The following LAMB1 variants were observed in gnomAD, a reference collection of about 807,000 sequenced individuals.
LAMB1 encodes laminin subunit beta 1, also known as laminin subunit beta-1.
A neutral mutation model predicts 222.3 loss-of-function variants in LAMB1; 121 were observed. The ratio of observed to expected loss-of-function variants is 0.54; its 90% CI spans 0.47 to 0.63. LAMB1 has a LOEUF of 0.63. Ranked by LOEUF, LAMB1 falls within the 30% of genes least tolerant of loss-of-function variation. The probability of loss-of-function intolerance (pLI) is 0.00; values close to 1 mark genes in which losing one functional copy is unlikely to be tolerated. For synonymous variants in LAMB1, 794 were observed against 807.2 expected (o/e 0.98, Z 0.28); for missense variants, 2,172 against 2,240.8 (o/e 0.97, Z 0.62).
chr7:108,002,991 G>A lies in LAMB1; in HGVS notation c.-86-20C>T, dbSNP rs878982596. 5.1e-6 allele frequency: 8 copies of A among 1,565,676 alleles called. No individual in the cohort carries two copies. In the South Asian group the frequency reaches 5.9e-5, roughly 12 times the overall value. ...TCCTTTCTGGAGAGGTGGAAAGGAG[G>A]GGAAAAAAGGCAAATGTTCAAAGAG... On this transcript the variant is annotated intron_variant, in intron 1 of 33. Coordinates refer to ENST00000222399, the MANE Select transcript of LAMB1 (RefSeq NM_002291.3).
At chr7:107,955,742 G>T in intron 20 of LAMB1, 112 bp from the exon 21 acceptor site, 2 of 956,482 alleles carry the variant, frequency 2.1e-6, no homozygotes, top group Non-Finnish European at 2.9e-6. Flanking sequence ...CACTCCTCAT[G>T]TTTTCTTTGA....
rs146785096 is a variant in LAMB1 at position 107,974,857 on chromosome 7, T to C, written c.1482+129A>G. ...CCATTAGTAATTCCTATTGTGTGCA[T>C]TGTCTACTCATGTCTTTTAACACGT... On this transcript the variant is annotated intron_variant, in intron 12 of 33. Coordinates refer to ENST00000222399, the MANE Select transcript of LAMB1 (RefSeq NM_002291.3). 702 of 615,964 alleles carry C rather than the reference T, an allele frequency of 1.1e-3. 6 individuals are homozygous for C. In the African/African-American group the frequency reaches 0.012, roughly 10 times the overall value. The allele number at this position is 615,964 out of a possible 1,614,324, so 38.2% of individuals were successfully genotyped here.
At position 107,953,689 on chromosome 7, in the gene LAMB1, G is replaced by C. The variant is rs61753441; in HGVS notation, c.2920C>G (p.Gln974Glu). ...ATGTTGTTGTGACACTGGCAAGGCT[G>C]ACACGACCCCCCAACTTCTGATGGA... ...GNPSEVGGSC[Q>E]PCQCHNNIDT... The change falls in exon 22 of 34, where the codon CAG becomes GAG. Residue 974 changes from glutamine (Q) to glutamate (E), a missense_variant. Physicochemically the swap from Gln to Glu is conservative, Grantham distance 29. Transcript: ENST00000222399. 9.6e-4 allele frequency: 1,544 copies of C among 1,614,174 alleles called. 15 individuals are homozygous for C. The African/African-American group carries it at 0.018, about 18-fold the overall frequency.
chr7:107,953,276 G>C (rs2033298756), intron 22 of LAMB1, among the ~76,000 whole-genome samples: 2 of 151,614 alleles, frequency 1.3e-5, no homozygotes, highest in African/African-American at 4.8e-5. Flanking sequence ...AGAATCACTT[G>C]AACTCTGGAG....
intron 4 of LAMB1, 86 bp downstream of exon 4, chr7:107,998,271 A>G: frequency 7.4e-7 from 1 of 1,360,514 alleles, no homozygotes; most frequent in Admixed American, 1.9e-5. Flanking sequence ...GAAGTGAATC[A>G]TAATTACAAA....
rs757651984 is a variant in LAMB1, at chr7:107,986,004, G to C, written c.676+18C>G. The C allele has an allele frequency of 6.4e-7, 1 of 1,573,154 alleles. No individual in the cohort carries two copies. The highest frequency in any genetic ancestry group is 1.7e-5 in the Admixed American group (1 of 59,160). On this transcript the variant is annotated intron_variant, in intron 7 of 33. Transcript: ENST00000222399. ...AAACAAACTAACAAAAAACACTTTT[G>C]TTTGAAAATGAACTTACTCTGTATC...
chr7:107,998,206 G>A (rs2034316297), intron 4 of LAMB1, 151 bp downstream of exon 4: 2 of 684,842 alleles, frequency 2.9e-6, no homozygotes, highest in Non-Finnish European at 4.9e-6. Flanking sequence ...ATTTTACCAA[G>A]AGAAGTTAGT....
chr7:107,939,643 A>G (rs887027737), intron 25 of LAMB1, among the ~76,000 whole-genome samples: 1 of 152,226 alleles, frequency 6.6e-6, no homozygotes, highest in Non-Finnish European at 1.5e-5. Context: ...CAAGTTCACA[A>G]GCCTAGCATC....
rs759586137 is a variant in LAMB1, at chr7:107,986,295, T to G, written c.492A>C (p.Arg164Ser). Reference sequence around the variant, plus strand: ...AGGCCTCACAGTCATAGGCGAAGTATCTATACACACCCCAGGTTTTCCCAA... The same window carrying G: ...AGGCCTCACAGTCATAGGCGAAGTAGCTATACACACCCCAGGTTTTCCCAA... ...SDFGKTWGVY[R>S]YFAYDCEASF... The change falls in exon 6 of 34, where the codon AGA becomes AGC. Residue 164 changes from arginine to serine, a missense_variant. Arg to Ser is a moderately radical substitution (Grantham distance 110, BLOSUM62 -1). Coordinates refer to ENST00000222399, the MANE Select transcript of LAMB1 (RefSeq NM_002291.3). 3 of 1,614,054 alleles carry G rather than the reference T, an allele frequency of 1.9e-6. No homozygotes were observed. Among genetic ancestry groups the G allele is most frequent in the Non-Finnish European group, 2.5e-6 (3 of 1,179,950 alleles).
In LAMB1 at chr7:107,951,326, C is replaced by T. The variant is rs781292114; in HGVS notation, c.3295-4G>A. The T allele has an allele frequency of 8.2e-5, 133 of 1,613,550 alleles. No homozygotes were observed. The highest frequency in any genetic ancestry group is 4.9e-4 in the East Asian group (22 of 44,878). On this transcript the variant is annotated splice_polypyrimidine_tract_variant and splice_region_variant and intron_variant, in intron 23 of 33. Coordinates refer to ENST00000222399, the MANE Select transcript of LAMB1 (RefSeq NM_002291.3). ...TGCACTGGCACTGCCCCGTGAACTG[C>T]GGCCAGAACACAGACCTTGGTCAAG...
intron 22 of LAMB1, 78 bp from the exon 23 acceptor site, chr7:107,952,301 C>A: frequency 9.5e-7 from 1 of 1,050,540 alleles, no homozygotes; most frequent in South Asian, 1.6e-5. Context: ...CATCTAAATG[C>A]TAAGATGTTC....
At chr7:107,926,985 C>T (rs1228530889) in intron 31 of LAMB1, among the ~76,000 whole-genome samples, 3 of 152,126 alleles carry the variant, frequency 2.0e-5, no homozygotes, top group African/African-American at 7.2e-5. Flanking sequence ...AAAGTAGAAT[C>T]AATAAACATT....
chr7:107,978,255 T>C lies in LAMB1; in HGVS notation c.880-88A>G, dbSNP rs946456196. ...ATAATCAATTGAAAGTTTAAAACCC[T>C]TTTTCATACTAATCTCTAGCTCACC... On this transcript the variant is annotated intron_variant, in intron 8 of 33. Coordinates refer to ENST00000222399, the MANE Select transcript of LAMB1 (RefSeq NM_002291.3). 119 of 1,391,554 alleles carry C rather than the reference T, an allele frequency of 8.6e-5. 1 individual carries two copies. In the African/African-American group the frequency reaches 1.1e-3, roughly 13 times the overall value. The allele number at this position is 1,391,554 out of a possible 1,614,324, so 86.2% of individuals were successfully genotyped here.
chr7:107,944,698 T>C (rs893743537), intron 24 of LAMB1, among the ~76,000 whole-genome samples: 6 of 145,838 alleles, frequency 4.1e-5, no homozygotes, highest in African/African-American at 1.2e-4. Context: ...TACAACCTTG[T>C]AAAAAGACCC....
chr7:107,973,182 C>T (rs1278919366), intron 12 of LAMB1, 111 bp from the exon 13 acceptor site: 13 of 875,928 alleles, frequency 1.5e-5, no homozygotes, highest in Non-Finnish European at 2.3e-5. Flanking sequence ...TGCTCATTTT[C>T]ATCATTAAAG....
In LAMB1 at chr7:107,986,035, G is replaced by A. The variant is rs2034070222; in HGVS notation, c.663C>T (p.Ser221=). Reference sequence around the variant, plus strand: ...AAATGAACTTACTCTGTATCCTTGGGCTATAAGGATCTTCTATTTTGAAAG... The same window carrying A: ...AAATGAACTTACTCTGTATCCTTGGACTATAAGGATCTTCTATTTTGAAAG... ...DPAFKIEDPY[S]PRIQNLLKIT... The change falls in exon 7 of 34, where the codon AGC becomes AGT. Residue 221 remains serine, a synonymous_variant. Transcript: ENST00000222399. 1 of 1,605,470 alleles carries A rather than the reference G, an allele frequency of 6.2e-7. No homozygotes were observed. Among genetic ancestry groups the A allele is most frequent in the African/African-American group, 1.3e-5 (1 of 74,770 alleles).
chr7:107,931,262 C>A, intron 29 of LAMB1, 94 bp downstream of exon 29: 10 of 1,090,338 alleles, frequency 9.2e-6, no homozygotes, highest in Non-Finnish European at 1.1e-5. Flanking sequence ...GGAAATGTCA[C>A]TTAGTACCCT....
Position 107,935,148 on chromosome 7 carries a change from G to A in LAMB1, c.4188+267C>T, listed in dbSNP as rs12112618. Among the ~76,000 whole-genome samples the A allele has an allele frequency of 0.059, 8,885 of 151,870 alleles. 813 individuals are homozygous for A. Among genetic ancestry groups the A allele is most frequent in the African/African-American group, 0.2 (8,388 of 41,348 alleles). ...GTAGCTAAAACAGTATGGGAGAATA[G>A]TCATGATTCATTCTTTAGTTGAGGA... On this transcript the variant is annotated intron_variant, in intron 27 of 33. Transcript: ENST00000222399.
Position 107,962,965 on chromosome 7 carries a change from A to T in LAMB1, c.1797T>A (p.Phe599Leu). 1.9e-6 allele frequency: 3 copies of T among 1,614,110 alleles called. No homozygotes were observed. The highest frequency in any genetic ancestry group is 2.5e-6 in the Non-Finnish European group (3 of 1,179,992). The change falls in exon 15 of 34, where the codon TTT becomes TTA. Residue 599 changes from phenylalanine to leucine, a missense_variant. Coordinates refer to ENST00000222399, the MANE Select transcript of LAMB1 (RefSeq NM_002291.3). Reference sequence around the variant, plus strand: ...TGGAATATGGTATGTTGTCAATGAAAAACTCCAAATAAGCCCCTTCAGGCA... The same window carrying T: ...TGGAATATGGTATGTTGTCAATGAATAACTCCAAATAAGCCCCTTCAGGCA... ...VRVPEGAYLE[F>L]FIDNIPYSME...
Sources: gnomAD v4.1 joint callset for allele counts (sites outside exome capture counted in the v4.1 genomes callset) on GRCh38, gnomAD v4.1.1 for gene constraint, MANE v1.5 for transcripts, NCBI Gene and HGNC (gene_info 2026-07-23, HGNC 2026-07-21) for gene names.